The following EFCAB8 variants were observed in gnomAD, a reference collection of about 807,000 sequenced individuals.
EFCAB8 encodes EF-hand calcium-binding domain-containing protein 8.
In EFCAB8, 100 loss-of-function variants were observed where a neutral mutation model predicts 116.3. That is an observed-to-expected ratio of 0.86 (90% CI 0.73 to 1.02). The LOEUF (loss-of-function observed/expected upper bound fraction) is 1.02. Among genes scored for constraint, EFCAB8 ranks in the 50% least tolerant of loss-of-function variants. The probability of loss-of-function intolerance (pLI) is 0.00; values close to 1 mark genes in which losing one functional copy is unlikely to be tolerated. For synonymous variants in EFCAB8, 558 were observed against 567.9 expected, an observed-to-expected ratio of 0.98 and a Z score of 0.25; for missense variants, 1,320 against 1,416.9, an observed-to-expected ratio of 0.93 and a Z score of 1.10.
intron 3 of EFCAB8, among the ~76,000 whole-genome samples, chr20:32,870,388 C>T (rs1351536885): frequency 6.6e-6 from 1 of 152,202 alleles, no homozygotes; most frequent in Non-Finnish European, 1.5e-5. Context: ...CCAAAAGGTA[C>T]TTTTTTCATG....
chr20:32,915,463 C>T (rs370858830), intron 17 of EFCAB8, among the ~76,000 whole-genome samples: 2 of 152,156 alleles, frequency 1.3e-5, no homozygotes, highest in Non-Finnish European at 2.9e-5. Context: ...CATTTCTTCA[C>T]CAGAGACTTC....
chr20:32,917,615 G>A (rs953276641), intron 18 of EFCAB8, 110 bp downstream of exon 18: 15 of 1,257,296 alleles, frequency 1.2e-5, no homozygotes, highest in Admixed American at 4.4e-5. Flanking sequence ...GGATGATGGC[G>A]ACTTGTTCTG....
At chr20:32,923,848 C>T (rs976328649) in intron 20 of EFCAB8, among the ~76,000 whole-genome samples, 9 of 152,048 alleles carry the variant, frequency 5.9e-5, no homozygotes, top group African/African-American at 1.9e-4. Flanking sequence ...TATCTGCTGC[C>T]GCTGGGTTTT....
chr20:32,878,625 C>G lies in EFCAB8; in HGVS notation c.328-79C>G, dbSNP rs996473806. On this transcript the variant is annotated intron_variant, in intron 4 of 26. Coordinates refer to ENST00000400522, the MANE Select transcript of EFCAB8 (RefSeq NM_001143967.2). ...CTCCGCTTCCCGGGTTCACGCCATTCTCCTGCCGAGTTCTTGAAACTGAAG... is the reference window on the plus strand; with the variant it reads ...CTCCGCTTCCCGGGTTCACGCCATTGTCCTGCCGAGTTCTTGAAACTGAAG... The G allele has an allele frequency of 1.9e-5, 22 of 1,149,274 alleles. No individual in the cohort carries two copies. The Middle Eastern group carries it at 9.9e-4, about 52-fold the overall frequency. 71.2% of individuals were successfully genotyped at this position (1,149,274 alleles called of 1,614,324 possible).
chr20:32,879,759 A>G (rs953041569), intron 5 of EFCAB8, among the ~76,000 whole-genome samples: 4 of 152,146 alleles, frequency 2.6e-5, no homozygotes, highest in Non-Finnish European at 5.9e-5. Context: ...CACCCCTCAC[A>G]TGAGTCTTAT....
At chr20:32,958,275 G>A (rs1050186911) in intron 23 of EFCAB8, 146 bp from the exon 24 acceptor site, 38 of 392,326 alleles carry the variant, frequency 9.7e-5, no homozygotes, top group African/African-American at 7.0e-4. Flanking sequence ...CGTGCCTGGT[G>A]TATGGTGGGC....
chr20:32,868,644 A>C (rs574469298), intron 3 of EFCAB8, among the ~76,000 whole-genome samples: 2 of 152,140 alleles, frequency 1.3e-5, no homozygotes, highest in African/African-American at 4.8e-5. Flanking sequence ...GAGTCTGGGC[A>C]TGGCTTAGCT....
At chr20:32,930,258 G>C (rs897153705) in intron 20 of EFCAB8, 140 bp from the exon 21 acceptor site, 2 of 668,536 alleles carry the variant, frequency 3.0e-6, no homozygotes, top group Non-Finnish European at 5.0e-6. Flanking sequence ...GGGGAGGAAG[G>C]GTGGGACCAC....
intron 11 of EFCAB8, among the ~76,000 whole-genome samples, chr20:32,901,588 C>T (rs1183981126): frequency 1.3e-5 from 2 of 151,102 alleles, no homozygotes; most frequent in East Asian, 3.8e-4. Context: ...CTCCACCTGC[C>T]CACTCAGCTC....
At chr20:32,936,386 C>G (rs1215917524) in intron 22 of EFCAB8, among the ~76,000 whole-genome samples, 1 of 152,086 alleles carries the variant, frequency 6.6e-6, no homozygotes, top group Non-Finnish European at 1.5e-5. Flanking sequence ...ATAACCATTG[C>G]TCAGATCAAT....
intron 9 of EFCAB8, among the ~76,000 whole-genome samples, chr20:32,893,982 C>CT (rs1324010816): frequency 6.6e-6 from 1 of 152,160 alleles, no homozygotes; most frequent in African/African-American, 2.4e-5. Flanking sequence ...GGAGTCTGTG[C>CT]TTTTAGCCTT....
chr20:32,870,255 G>T (rs1357770634), intron 3 of EFCAB8, among the ~76,000 whole-genome samples: 4 of 152,170 alleles, frequency 2.6e-5, no homozygotes, highest in African/African-American at 9.7e-5. Context: ...GCCAGGAAGT[G>T]CCACCACTGT....
intron 3 of EFCAB8, among the ~76,000 whole-genome samples, chr20:32,874,140 C>CT (rs1600368920): frequency 6.6e-6 from 1 of 151,444 alleles, no homozygotes; most frequent in East Asian, 1.9e-4. Flanking sequence ...AGCCTGGTCT[C>CT]AAACTCCTGG....
intron 22 of EFCAB8, among the ~76,000 whole-genome samples, chr20:32,937,895 G>A (rs1568940872): frequency 2.0e-5 from 3 of 150,048 alleles, no homozygotes; most frequent in African/African-American, 7.4e-5. Context: ...GGGATTACAG[G>A]CGTGAGCCAC....
chr20:32,884,636 G>A (rs138605780), intron 5 of EFCAB8, among the ~76,000 whole-genome samples: 130 of 152,334 alleles, frequency 8.5e-4, no homozygotes, highest in African/African-American at 3.1e-3. Flanking sequence ...TACCGGATTT[G>A]GAAAGGGCCC....
intron 23 of EFCAB8, among the ~76,000 whole-genome samples, chr20:32,944,379 C>A (rs1261701365): frequency 1.3e-5 from 2 of 151,882 alleles, no homozygotes; most frequent in Non-Finnish European, 2.9e-5. Flanking sequence ...GCAGGAGAAT[C>A]GTTTGAACCT....
chr20:32,934,244 C>T (rs907704710), intron 22 of EFCAB8, among the ~76,000 whole-genome samples: 1 of 151,920 alleles, frequency 6.6e-6, no homozygotes, highest in Non-Finnish European at 1.5e-5. Context: ...ACCATAATGT[C>T]TTCCAGATTA....
chr20:32,899,429 C>T lies in EFCAB8; in HGVS notation c.1088+806C>T, dbSNP rs530450158. On this transcript the variant is annotated intron_variant, in intron 11 of 26. Transcript: ENST00000400522. ...CAAAAAAAAAAAAAAAAAGAAAAAC[C>T]AATTAATCACACAAGTATGTATTAA... 1.6e-4 allele frequency among the ~76,000 whole-genome samples: 24 copies of T among 150,420 alleles called. No homozygotes were observed. In the East Asian group the frequency reaches 2.9e-3, roughly 18 times the overall value.
chr20:32,865,930 C>T (rs940699735), intron 2 of EFCAB8, among the ~76,000 whole-genome samples: 2 of 151,696 alleles, frequency 1.3e-5, no homozygotes, highest in African/African-American at 4.8e-5. Flanking sequence ...CAGTTTGGGG[C>T]GAGCAGGGGT....
Sources: gnomAD v4.1 joint callset for allele counts (sites outside exome capture counted in the v4.1 genomes callset) on GRCh38, gnomAD v4.1.1 for gene constraint, MANE v1.5 for transcripts, NCBI Gene and HGNC (gene_info 2026-07-23, HGNC 2026-07-21) for gene names.